The following PPRC1 variants were observed in gnomAD, a reference collection of about 807,000 sequenced individuals.
PPRC1 encodes peroxisome proliferator-activated receptor gamma coactivator-related protein 1.
In PPRC1, 23 loss-of-function variants were observed where a neutral mutation model predicts 132.5. The observed-to-expected ratio is 0.17, with a 90% confidence interval of 0.12 to 0.25. The LOEUF (loss-of-function observed/expected upper bound fraction) is 0.25. PPRC1 is among the 10% of genes least tolerant of loss of function. The pLI, the probability that PPRC1 is intolerant of heterozygous loss-of-function variation, is 1.00. For synonymous variants in PPRC1, 872 were observed against 833.5 expected, an observed-to-expected ratio of 1.05 and a Z score of -0.80; for missense variants, 2,006 against 2,089.1, an observed-to-expected ratio of 0.96 and a Z score of 0.78.
rs1326016347 is a variant in PPRC1, at chr10:102,133,061, G to A, written c.-8G>A. ...GATCAGAGCAGCGCTGGGTGTTCAG[G>A]GGCCAAGATGGCGGCGCGCCGGGGA... On this transcript the variant is annotated 5_prime_UTR_variant, in exon 1 of 14. Transcript: ENST00000278070. 3 of 1,240,984 alleles carry A rather than the reference G, an allele frequency of 2.4e-6. No individual in the cohort carries two copies. The highest frequency in any genetic ancestry group is 3.0e-6 in the Non-Finnish European group (3 of 987,910). The allele number at this position is 1,240,984 out of a possible 1,614,324, so 76.9% of individuals were successfully genotyped here. A position where few individuals can be genotyped will look rare whatever the true frequency, so the allele number is the denominator to read the frequency against.
chr10:102,131,388 CAAA>C (rs1319964199), upstream of PPRC1, among the ~76,000 whole-genome samples: 3 of 97,592 alleles, frequency 3.1e-5, no homozygotes. Flanking sequence ...TATTGTCTAA[CAAA>C]AAAAAAAAAA....
At chr10:102,143,124 C>T in intron 6 of PPRC1, 26 bp downstream of exon 6, 1 of 1,602,644 alleles carries the variant, frequency 6.2e-7, no homozygotes, top group South Asian at 1.1e-5. Context: ...TAGTTTTGCT[C>T]CAACTCTTTT....
rs745910489 is a variant in PPRC1 at position 102,137,949 on chromosome 10, C to T, written c.253C>T (p.Leu85=). ...GGACCTGGAAATGGAGGAGCTAATG[C>T]TGCAGGATGAGACACTGCTGGGGAC... ...DKDLEMEELM[L]QDETLLGTMQ... Residue 85 remains leucine, a synonymous_variant, in exon 2 of 14, where the codon CTG becomes TTG. Coordinates refer to ENST00000278070, the MANE Select transcript of PPRC1 (RefSeq NM_015062.5). 23 of 1,614,048 alleles carry T rather than the reference C, an allele frequency of 1.4e-5. No homozygotes were observed. In the Admixed American group the frequency reaches 2.2e-4, roughly 15 times the overall value.
At chr10:102,147,470 C>T in intron 9 of PPRC1, 78 bp downstream of exon 9, 1 of 1,468,446 alleles carries the variant, frequency 6.8e-7, no homozygotes, top group Non-Finnish European at 9.1e-7. Context: ...AAAGCTTTTA[C>T]CCGTTGACTT....
chr10:102,121,670 C>A, the PPRC1 span, among the ~76,000 whole-genome samples: 1 of 152,130 alleles, frequency 6.6e-6, no homozygotes, highest in African/African-American at 2.4e-5. Context: ...CTCCTGGGGT[C>A]CCCAGCTGCT....
In PPRC1 at chr10:102,138,052, G is replaced by T. The variant is rs1437811574; in HGVS notation, c.342+14G>T. 7.5e-6 allele frequency: 12 copies of T among 1,608,244 alleles called. No homozygotes were observed. In the Admixed American group the frequency reaches 2.0e-4, roughly 27 times the overall value. ...AGCCTTGGAGAGGTGAGCTGGGGCT[G>T]GACTCTGAAATCTTCAAGCAGGAGG... On this transcript the variant is annotated intron_variant, in intron 2 of 13. Coordinates refer to ENST00000278070, the MANE Select transcript of PPRC1 (RefSeq NM_015062.5).
Position 102,145,052 on chromosome 10 carries a change from T to C in PPRC1, c.3641T>C (p.Leu1214Pro). 1 of 1,612,608 alleles carries C rather than the reference T, an allele frequency of 6.2e-7. No individual in the cohort carries two copies. Among genetic ancestry groups the C allele is most frequent in the Non-Finnish European group, 8.5e-7 (1 of 1,179,368 alleles). The change falls in exon 8 of 14, where the codon CTA becomes CCA. Residue 1214 changes from leucine to proline, a missense_variant. Transcript: ENST00000278070. ...GACATTCCCCAGGAGAAGAGGCCCC[T>C]AGACCGGTTACAAGCCCCAGAACTG... is the stretch of plus-strand genomic sequence containing the variant. The part of the protein sequence containing the change: ...GVDIPQEKRP[L>P]DRLQAPELAN...
intron 5 of PPRC1, 37 bp downstream of exon 5, chr10:102,142,041 T>A (rs376290700): frequency 6.4e-7 from 1 of 1,560,270 alleles, no homozygotes. Flanking sequence ...AGTCCCCAAG[T>A]TGGCTGGGGG....
Position 102,140,908 on chromosome 10 carries a change from C to T in PPRC1, c.2400C>T (p.Ala800=). ...ADIPCLVIPP[A]PAKKTALQRS... ...TCCCTTGTCTTGTCATCCCACCAGC[C>T]CCAGCCAAGAAGACAGCTCTGCAGA... Residue 800 remains alanine, a synonymous_variant, in exon 5 of 14, where the codon GCC becomes GCT. Coordinates refer to ENST00000278070, the MANE Select transcript of PPRC1 (RefSeq NM_015062.5). The T allele has an allele frequency of 6.2e-7, 1 of 1,614,030 alleles. No homozygotes were observed. Among genetic ancestry groups the T allele is most frequent in the African/African-American group, 1.3e-5 (1 of 75,022 alleles).
Position 102,141,448 on chromosome 10 carries a change from G to T in PPRC1, c.2940G>T (p.Gly980=). Residue 980 remains glycine (G), a synonymous_variant, in exon 5 of 14, where the codon GGG becomes GGT. Transcript: ENST00000278070. ...CTTACAGTTCCACATGTACCTATGGGCCCTTGGGATGGGGCCCAGGGCCTC... is the reference window on the plus strand; with the variant it reads ...CTTACAGTTCCACATGTACCTATGGTCCCTTGGGATGGGGCCCAGGGCCTC... ...VSPYSSTCTY[G]PLGWGPGPQH... is the part of the protein sequence containing the mutation. 9 of 1,613,860 alleles carry T rather than the reference G, an allele frequency of 5.6e-6. No individual in the cohort carries two copies. Among genetic ancestry groups the T allele is most frequent in the Non-Finnish European group, 7.6e-6 (9 of 1,180,012 alleles).
chr10:102,126,429 G>C, the PPRC1 span, among the ~76,000 whole-genome samples: 1 of 150,996 alleles, frequency 6.6e-6, no homozygotes, highest in Non-Finnish European at 1.5e-5. Flanking sequence ...ATCTAACAGA[G>C]TACCTGGAAC....
the PPRC1 span, among the ~76,000 whole-genome samples, chr10:102,125,072 A>G: frequency 1.1e-4 from 16 of 151,724 alleles, no homozygotes; most frequent in Admixed American, 6.6e-5. Context: ...CCCGTACCAC[A>G]CCAAGCCTCT....
chr10:102,135,670 C>T (rs143908692), intron 1 of PPRC1, among the ~76,000 whole-genome samples: 1,840 of 152,340 alleles, frequency 0.012, 19 homozygotes, highest in Non-Finnish European at 0.018. Flanking sequence ...TGAGCCACCA[C>T]ACCCGGCCTG....
chr10:102,120,127 T>C, the PPRC1 span: 1 of 1,337,736 alleles, frequency 7.5e-7, no homozygotes. Flanking sequence ...ATCGCCCGCC[T>C]CTGGGGGCCC....
At chr10:102,149,082 G>T (rs1303115260) in intron 12 of PPRC1, 96 bp from the exon 13 acceptor site, 7 of 1,525,582 alleles carry the variant, frequency 4.6e-6, no homozygotes, top group Non-Finnish European at 6.2e-6. Context: ...CACTGGGAAT[G>T]AGAAGAACCA....
upstream of PPRC1, among the ~76,000 whole-genome samples, chr10:102,131,437 C>G (rs2068541505): frequency 1.3e-5 from 2 of 151,848 alleles, no homozygotes; most frequent in South Asian, 4.2e-4. Flanking sequence ...AGAAAAGGTC[C>G]TCTCTTTTCA....
At chr10:102,124,207 A>G in the PPRC1 span, among the ~76,000 whole-genome samples, 3 of 151,898 alleles carry the variant, frequency 2.0e-5, no homozygotes, top group Non-Finnish European at 2.9e-5. Context: ...CTAGGATTAC[A>G]GGCACCACCA....
intron 1 of PPRC1, among the ~76,000 whole-genome samples, chr10:102,134,474 A>G (rs2068649462): frequency 6.6e-6 from 1 of 152,216 alleles, no homozygotes; most frequent in Admixed American, 6.5e-5. Context: ...AGGGGCAGGA[A>G]TTAGTTTGAA....
intron 8 of PPRC1, among the ~76,000 whole-genome samples, chr10:102,146,243 G>A (rs2069241005): frequency 6.6e-6 from 1 of 152,212 alleles, no homozygotes; most frequent in Non-Finnish European, 1.5e-5. Context: ...AACTTTGCCA[G>A]ATTGGTTTTT....
Sources: allele counts gnomAD v4.1 joint callset (sites outside exome capture counted in the v4.1 genomes callset), GRCh38; gene constraint gnomAD v4.1.1; transcripts MANE v1.5; gene names NCBI Gene and HGNC (gene_info 2026-07-23, HGNC 2026-07-21).